The following PHOSPHO2 variants were observed in gnomAD, a reference collection of about 807,000 sequenced individuals.
The protein encoded by PHOSPHO2 is pyridoxal phosphate phosphatase PHOSPHO2.
Under a neutral mutation model 16.4 loss-of-function variants are expected in PHOSPHO2, and 14 were observed. That is an observed-to-expected ratio of 0.85 (90% CI 0.56 to 1.33). PHOSPHO2 has a LOEUF of 1.33. Ranked by LOEUF, PHOSPHO2 falls within the 40% of genes most tolerant of loss-of-function variation. The pLI is 0.00. For missense variants in PHOSPHO2, 246 were observed against 282.5 expected, an observed-to-expected ratio of 0.87 and a Z score of 0.93; for synonymous variants, 85 against 90.5, an observed-to-expected ratio of 0.94 and a Z score of 0.34.
intron 2 of PHOSPHO2, among the ~76,000 whole-genome samples, chr2:169,696,042 A>T (rs1687518472): frequency 6.6e-6 from 1 of 152,204 alleles, no homozygotes; most frequent in Admixed American, 6.5e-5. Context: ...GTCTCCCAAC[A>T]ACAATTTTCT....
chr2:169,695,635 C>T (rs1687497809), intron 2 of PHOSPHO2, among the ~76,000 whole-genome samples: 1 of 114,810 alleles, frequency 8.7e-6, no homozygotes, highest in Admixed American at 8.0e-5. Flanking sequence ...GAGACTCCGT[C>T]TCAAAAAAAA....
intron 3 of PHOSPHO2, chr2:169,698,450 C>T (rs889298077): frequency 1.3e-4 from 20 of 152,030 alleles, no homozygotes; most frequent in African/African-American, 4.6e-4. Context: ...AACACCTAAC[C>T]ACTTCAAGAT....
At chr2:169,694,690 G>A (rs954404887) in intron 1 of PHOSPHO2, 68 bp downstream of exon 1, 2 of 385,880 alleles carry the variant, frequency 5.2e-6, no homozygotes, top group African/African-American at 4.1e-5. Flanking sequence ...GCTCCCCATG[G>A]GGGACGACCC....
In PHOSPHO2 at chr2:169,701,291, G is replaced by C; in HGVS notation, c.320G>C (p.Trp107Ser). ...ISDSNSVFID[W>S]VLEAASFHDI... ...GATTCAAATTCGGTCTTCATAGATT[G>C]GGTTTTAGAAGCTGCCAGTTTTCAT... Residue 107 changes from tryptophan (W) to serine (S), a missense_variant, in exon 4 of 4, where the codon TGG (tryptophan) becomes TCG (serine). By Grantham distance (177) the Trp-to-Ser change is radical. Coordinates refer to ENST00000359744, the MANE Select transcript of PHOSPHO2 (RefSeq NM_001008489.4). 1.2e-6 allele frequency: 2 copies of C among 1,612,922 alleles called. No individual in the cohort carries two copies. The highest frequency in any genetic ancestry group is 1.7e-6 in the Non-Finnish European group (2 of 1,179,466).
Position 169,694,544 on chromosome 2 carries a change from G to A in PHOSPHO2, c.-309G>A. 2 of 614,116 alleles carry A rather than the reference G, an allele frequency of 3.3e-6. No homozygotes were observed. Among genetic ancestry groups the A allele is most frequent in the Non-Finnish European group, 5.8e-6 (2 of 343,808 alleles). The allele number at this position is 614,116 out of a possible 1,614,324, so 38.0% of individuals were successfully genotyped here. On this transcript the variant is annotated 5_prime_UTR_variant, in exon 1 of 4. Transcript: ENST00000359744. ...GCTTGTGAGTGGGGCTGCCGAGAGG[G>A]CAGGCGTGGGGCGAGGCCAAAGGAC...
At chr2:169,696,041 C>A (rs1167290265) in intron 2 of PHOSPHO2, among the ~76,000 whole-genome samples, 1 of 152,130 alleles carries the variant, frequency 6.6e-6, no homozygotes, top group Non-Finnish European at 1.5e-5. Flanking sequence ...TGTCTCCCAA[C>A]AACAATTTTC....
chr2:169,700,843 C>T, intron 3 of PHOSPHO2, 103 bp from the exon 4 acceptor site: 1 of 1,167,602 alleles, frequency 8.6e-7, no homozygotes, highest in Non-Finnish European at 1.2e-6. Context: ...TGTTTATATT[C>T]CTCCCTTTAG....
At chr2:169,697,976 A>C (rs1687608464) in intron 3 of PHOSPHO2, 1 of 152,210 alleles carries the variant, frequency 6.6e-6, no homozygotes, top group Non-Finnish European at 1.5e-5. Context: ...CCACATTCAC[A>C]CAACAGGTGA....
chr2:169,700,617 TAATAA>T (rs1410103608), intron 3 of PHOSPHO2, among the ~76,000 whole-genome samples: 1 of 152,072 alleles, frequency 6.6e-6, no homozygotes, highest in Non-Finnish European at 1.5e-5. Context: ...TATTTTAATC[TAATAA>T]AATAAGTGTG....
rs942665567 is a variant in PHOSPHO2, at chr2:169,694,500, G to T, written c.-353G>T. The T allele has an allele frequency of 3.7e-5, 25 of 671,886 alleles. No homozygotes were observed. The highest frequency in any genetic ancestry group is 8.2e-5 in the South Asian group (5 of 60,692). 41.6% of individuals were successfully genotyped at this position (671,886 alleles called of 1,614,324 possible). ...GGCGGTCGGGCTAGAGAAGAGAGGC[G>T]CCTGCGCTTGCGAGCTGGGCTTGTG... On this transcript the variant is annotated 5_prime_UTR_variant, in exon 1 of 4. Transcript: ENST00000359744.
intron 2 of PHOSPHO2, among the ~76,000 whole-genome samples, chr2:169,696,526 T>C (rs1687543455): frequency 6.6e-6 from 1 of 152,248 alleles, no homozygotes; most frequent in African/African-American, 2.4e-5. Flanking sequence ...TACTTAATTA[T>C]TTCCCAATTC....
intron 1 of PHOSPHO2, chr2:169,694,850 C>T (rs948568630): frequency 1.6e-5 from 3 of 183,362 alleles, no homozygotes; most frequent in East Asian, 2.4e-4. Flanking sequence ...CGCGGATTCG[C>T]TGACATAAAC....
chr2:169,696,359 C>T (rs1322033131), intron 2 of PHOSPHO2, among the ~76,000 whole-genome samples: 1 of 152,180 alleles, frequency 6.6e-6, no homozygotes, highest in African/African-American at 2.4e-5. Flanking sequence ...TACGGTTGAA[C>T]CAACCATAAC....
rs186480430 is a variant in PHOSPHO2, at chr2:169,694,680, G to C, written c.-231+58G>C. On this transcript the variant is annotated intron_variant, in intron 1 of 3. Coordinates refer to ENST00000359744, the MANE Select transcript of PHOSPHO2 (RefSeq NM_001008489.4). ...CTGCTACTCCCATCCCCACCTGCGCGCTCCCCATGGGGGACGACCCCCGAT... is the reference window on the plus strand; with the variant it reads ...CTGCTACTCCCATCCCCACCTGCGCCCTCCCCATGGGGGACGACCCCCGAT... 12 of 405,232 alleles carry C rather than the reference G, an allele frequency of 3.0e-5. No individual in the cohort carries two copies. In the East Asian group the frequency reaches 5.8e-4, roughly 20 times the overall value. 25.1% of individuals were successfully genotyped at this position (405,232 alleles called of 1,614,324 possible).
chr2:169,696,934 G>A (rs1558929485), intron 2 of PHOSPHO2, among the ~76,000 whole-genome samples: 1 of 151,940 alleles, frequency 6.6e-6, no homozygotes, highest in Admixed American at 6.6e-5. Context: ...GATACCAAGT[G>A]GAAAGCAAAA....
In PHOSPHO2 at chr2:169,698,315, A is replaced by T. The variant is rs1433803925; in HGVS notation, c.-27+784A>T. Reference sequence around the variant, plus strand: ...ATCTTTCTGCCAAAATTACCTACTTAGTGTTATATTTTTAAACTAATGAGT... The same window carrying T: ...ATCTTTCTGCCAAAATTACCTACTTTGTGTTATATTTTTAAACTAATGAGT... On this transcript the variant is annotated intron_variant, in intron 3 of 3. Coordinates refer to ENST00000359744, the MANE Select transcript of PHOSPHO2 (RefSeq NM_001008489.4). The T allele has an allele frequency of 2.0e-5, 3 of 152,186 alleles. No individual in the cohort carries two copies. In the East Asian group the frequency reaches 5.8e-4, roughly 29 times the overall value. 9.4% of individuals were successfully genotyped at this position (152,186 alleles called of 1,614,324 possible). A position where few individuals can be genotyped will look rare whatever the true frequency, so the allele number is the denominator to read the frequency against.
intron 2 of PHOSPHO2, among the ~76,000 whole-genome samples, chr2:169,695,856 G>A (rs1205407787): frequency 6.6e-6 from 1 of 152,168 alleles, no homozygotes; most frequent in African/African-American, 2.4e-5. Flanking sequence ...CCTAGATGTA[G>A]TGTGTGTCGA....
chr2:169,701,110 T>C lies in PHOSPHO2; in HGVS notation c.139T>C (p.Phe47Leu), dbSNP rs1328926044. The C allele has an allele frequency of 6.2e-7, 1 of 1,614,056 alleles. No individual in the cohort carries two copies. Among genetic ancestry groups the C allele is most frequent in the Non-Finnish European group, 8.5e-7 (1 of 1,179,976 alleles). Residue 47 changes from phenylalanine to leucine, a missense_variant, in exon 4 of 4, where the codon TTT becomes CTT. By Grantham distance (22) the Phe-to-Leu change is conservative. Coordinates refer to ENST00000359744, the MANE Select transcript of PHOSPHO2 (RefSeq NM_001008489.4). ...TTATCGAAAAGGATTTTGGACAGAA[T>C]TTATGGGCAGAGTCTTTAAGTATTT... ...DSYRKGFWTE[F>L]MGRVFKYLGD...
At chr2:169,694,685 C>A (rs1047400727) in intron 1 of PHOSPHO2, 63 bp downstream of exon 1, 2 of 392,432 alleles carry the variant, frequency 5.1e-6, no homozygotes, top group Non-Finnish European at 9.7e-6. Context: ...TGCGCGCTCC[C>A]CATGGGGGAC....
Sources: gnomAD v4.1 joint callset for allele counts (sites outside exome capture counted in the v4.1 genomes callset) on GRCh38, gnomAD v4.1.1 for gene constraint, MANE v1.5 for transcripts, NCBI Gene and HGNC (gene_info 2026-07-23, HGNC 2026-07-21) for gene names.